The following COL28A1 variants were observed in gnomAD, a reference collection of about 807,000 sequenced individuals.
COL28A1 encodes collagen type XXVIII alpha 1 chain.
A neutral mutation model predicts 150.2 loss-of-function variants in COL28A1; 161 were observed. The observed-to-expected ratio is 1.07, with a 90% CI of 0.94 to 1.22. The LOEUF (loss-of-function observed/expected upper bound fraction) is 1.22. Among genes scored for constraint, COL28A1 ranks in the 50% most tolerant of loss-of-function variants. The pLI is 0.00. For missense variants in COL28A1, 1,617 were observed against 1,388.3 expected (o/e 1.16, Z -2.62); for synonymous variants, 552 against 469.7 (o/e 1.18, Z -2.26).
chr7:7,411,613 A>G (rs1783795727), intron 27 of COL28A1, among the ~76,000 whole-genome samples: 1 of 152,086 alleles, frequency 6.6e-6, no homozygotes, highest in South Asian at 2.1e-4. Flanking sequence ...ACTAAATTCC[A>G]GGTGTCCCTC....
chr7:7,397,343 C>A (rs1782896937), intron 27 of COL28A1, among the ~76,000 whole-genome samples: 1 of 152,078 alleles, frequency 6.6e-6, no homozygotes, highest in African/African-American at 2.4e-5. Context: ...ACATTCGGGC[C>A]TTATATTCAA....
At chr7:7,363,632 C>A (rs1780782664) in intron 33 of COL28A1, among the ~76,000 whole-genome samples, 2 of 152,042 alleles carry the variant, frequency 1.3e-5, no homozygotes, top group African/African-American at 4.8e-5. Context: ...TGTTGGCATT[C>A]AGGTATATTT....
chr7:7,373,715 T>C lies in COL28A1; in HGVS notation c.2360-169A>G, dbSNP rs562767497. Among the ~76,000 whole-genome samples the C allele has an allele frequency of 5.3e-4, 81 of 151,454 alleles. No individual in the cohort carries two copies. The highest frequency in any genetic ancestry group is 1.9e-3 in the African/African-American group (77 of 41,358). ...TCTCCATTCTGGTTTCTTTTTTTTT[T>C]TGTGAGACAGAGTCTCGCTGTCGCC... On this transcript the variant is annotated intron_variant, in intron 31 of 34. Transcript: ENST00000399429. This position sits in a 1 kb window ranked among gnomAD's most constrained non-coding sequence, Gnocchi z 4.1.
At chr7:7,498,066 A>T (rs1369125804) in intron 11 of COL28A1, among the ~76,000 whole-genome samples, 1 of 152,202 alleles carries the variant, frequency 6.6e-6, no homozygotes. Flanking sequence ...ATATTGAACC[A>T]CATTTTAGTA....
intron 13 of COL28A1, 134 bp from the exon 14 acceptor site, chr7:7,477,314 T>G: frequency 3.1e-6 from 2 of 651,780 alleles, no homozygotes; most frequent in Non-Finnish European, 5.5e-6. Context: ...GATAGTTGGA[T>G]CTGTACTAAA....
chr7:7,495,420 G>C (rs1311688422), intron 11 of COL28A1, among the ~76,000 whole-genome samples: 2 of 152,152 alleles, frequency 1.3e-5, no homozygotes, highest in South Asian at 2.1e-4. Context: ...AGTCAGGTGG[G>C]AGTGGAAGAA....
At chr7:7,375,207 CG>C (rs1562492644) in intron 31 of COL28A1, among the ~76,000 whole-genome samples, 1 of 152,162 alleles carries the variant, frequency 6.6e-6, no homozygotes, top group East Asian at 1.9e-4. Flanking sequence ...ACAAAAGGCC[CG>C]GCTGCCTACA....
chr7:7,511,677 G>A, intron 8 of COL28A1: 1 of 465,248 alleles, frequency 2.1e-6, no homozygotes, highest in Non-Finnish European at 4.5e-6. Context: ...GTGTTCACCT[G>A]GAGAACCGTG....
chr7:7,395,279 G>A (rs1323377746), intron 27 of COL28A1, among the ~76,000 whole-genome samples: 2 of 151,976 alleles, frequency 1.3e-5, no homozygotes, highest in East Asian at 3.8e-4. Context: ...GGGCAACAGA[G>A]TGAGGCTCCG....
At chr7:7,440,341 T>G (rs576367277) in intron 21 of COL28A1, among the ~76,000 whole-genome samples, 1 of 152,376 alleles carries the variant, frequency 6.6e-6, no homozygotes, top group South Asian at 2.1e-4. Context: ...CGTTATCTTC[T>G]TTCTATAATT....
At chr7:7,406,610 G>A (rs926183706) in intron 27 of COL28A1, among the ~76,000 whole-genome samples, 1 of 152,102 alleles carries the variant, frequency 6.6e-6, no homozygotes, top group African/African-American at 2.4e-5. Flanking sequence ...AGGATAGTGT[G>A]GTCAAGGGTG....
chr7:7,338,471 G>A, the COL28A1 span, among the ~76,000 whole-genome samples: 1 of 151,980 alleles, frequency 6.6e-6, no homozygotes, highest in Non-Finnish European at 1.5e-5. Context: ...ATAGGATTGT[G>A]TTCTTGATTT....
chr7:7,481,276 T>C (rs781609134), intron 13 of COL28A1, among the ~76,000 whole-genome samples: 1 of 152,164 alleles, frequency 6.6e-6, no homozygotes, highest in Non-Finnish European at 1.5e-5. Context: ...TTAATGCTCA[T>C]GGACAGTCTT....
chr7:7,343,901 G>A, the COL28A1 span, among the ~76,000 whole-genome samples: 10 of 151,814 alleles, frequency 6.6e-5, no homozygotes, highest in East Asian at 1.4e-3. Flanking sequence ...TCAGTTACTC[G>A]GGAGGCTGAG....
At chr7:7,400,991 T>G (rs929254305) in intron 27 of COL28A1, among the ~76,000 whole-genome samples, 6 of 145,830 alleles carry the variant, frequency 4.1e-5, no homozygotes, top group African/African-American at 1.3e-4. Context: ...TGTGTGTGTG[T>G]GTGTGTGTGT....
At chr7:7,507,463 C>T (rs531528820) in intron 9 of COL28A1, among the ~76,000 whole-genome samples, 11 of 152,270 alleles carry the variant, frequency 7.2e-5, no homozygotes, top group African/African-American at 2.2e-4. Context: ...CCTTAGAGGG[C>T]TATAAACTTA....
intron 9 of COL28A1, among the ~76,000 whole-genome samples, chr7:7,509,126 G>A (rs148028275): frequency 0.015 from 2,204 of 151,838 alleles, 63 homozygotes; most frequent in African/African-American, 0.05. Flanking sequence ...AAGCCACCAC[G>A]CCCAGCCTAT....
At chr7:7,529,924 T>G (rs954456358) in intron 3 of COL28A1, among the ~76,000 whole-genome samples, 3 of 152,150 alleles carry the variant, frequency 2.0e-5, no homozygotes, top group African/African-American at 7.2e-5. Context: ...AATGAGTACT[T>G]ACCTTGAGCA....
intron 25 of COL28A1, among the ~76,000 whole-genome samples, chr7:7,425,860 C>G (rs1784621014): frequency 6.6e-6 from 1 of 152,130 alleles, no homozygotes; most frequent in African/African-American, 2.4e-5. Context: ...CAAGGTGGAG[C>G]AGTGACAAGG....
Sources: allele counts gnomAD v4.1 joint callset (sites outside exome capture counted in the v4.1 genomes callset), GRCh38; gene constraint gnomAD v4.1.1; non-coding constraint Gnocchi (gnomAD v3.1); transcripts MANE v1.5; gene names NCBI Gene and HGNC (gene_info 2026-07-23, HGNC 2026-07-21).